The following LRGUK variants were observed in gnomAD, a reference collection of about 807,000 sequenced individuals.
LRGUK encodes the protein leucine rich repeats and guanylate kinase domain containing.
In LRGUK, 65 loss-of-function variants were observed where a neutral mutation model predicts 76.0. The ratio of observed to expected loss-of-function variants is 0.85; its 90% CI spans 0.70 to 1.05. The LOEUF is 1.05. Ranked by LOEUF, LRGUK falls within the 50% of genes least tolerant of loss-of-function variation. The probability of loss-of-function intolerance (pLI) is 0.00; values close to 1 mark genes in which losing one functional copy is unlikely to be tolerated. For synonymous variants in LRGUK, 268 were observed against 265.6 expected (o/e 1.01, Z -0.09); for missense variants, 758 against 732.8 (o/e 1.03, Z -0.40).
intron 7 of LRGUK, among the ~76,000 whole-genome samples, chr7:134,169,554 A>T (rs1799158906): frequency 6.6e-6 from 1 of 152,154 alleles, no homozygotes; most frequent in African/African-American, 2.4e-5. Flanking sequence ...TTTATTGAAG[A>T]AATTTCTCTA....
intron 19 of LRGUK, among the ~76,000 whole-genome samples, chr7:134,263,628 T>C (rs1178447192): frequency 2.0e-5 from 3 of 148,214 alleles, no homozygotes; most frequent in African/African-American, 4.9e-5. Flanking sequence ...TCTTTCTTTT[T>C]TTTTTTTTTT....
In LRGUK at chr7:134,263,920, G is replaced by C. The variant is rs138421011; in HGVS notation, c.2423G>C (p.Arg808Pro). 221 of 1,612,302 alleles carry C rather than the reference G, an allele frequency of 1.4e-4. 1 individual carries two copies. In the African/African-American group the frequency reaches 2.5e-3, roughly 18 times the overall value. The change falls in exon 20 of 20, where the codon CGC (arginine) becomes CCC (proline). Residue 808 changes from arginine (R) to proline (P), a missense_variant. By Grantham distance (103) the Arg-to-Pro change is moderately radical. Transcript: ENST00000285928. ...CAACACTCGGTCCCAGTCATCAGTC[G>C]CCCAGGTTCCAACGTCAAACCCACC...
intron 7 of LRGUK, among the ~76,000 whole-genome samples, chr7:134,165,885 G>C (rs1247864542): frequency 1.3e-5 from 2 of 152,132 alleles, no homozygotes; most frequent in African/African-American, 2.4e-5. Flanking sequence ...AAAAAGAGGA[G>C]TATCATCACG....
At chr7:134,199,980 TTTTATATATATATATATA>T (rs1800683947) in intron 14 of LRGUK, among the ~76,000 whole-genome samples, 1 of 69,562 alleles carries the variant, frequency 1.4e-5, no homozygotes, top group Non-Finnish European at 2.8e-5. Context: ...TTCTAGAAAC[TTTTATATATATATATATA>T]TATATATATA....
At chr7:134,132,855 A>G (rs1333100537) in intron 1 of LRGUK, among the ~76,000 whole-genome samples, 1 of 152,234 alleles carries the variant, frequency 6.6e-6, no homozygotes, top group Non-Finnish European at 1.5e-5. Flanking sequence ...GAGGGTTAAC[A>G]TCTGAGAGCT....
At position 134,169,133 on chromosome 7, in the gene LRGUK, G is replaced by GACACAC. The variant is rs36204942; in HGVS notation, c.940-5366_940-5361dup. 1.4e-3 allele frequency among the ~76,000 whole-genome samples: 186 copies of GACACAC among 135,572 alleles called. 1 individual carries two copies. Among genetic ancestry groups the GACACAC allele is most frequent in the African/African-American group, 4.9e-3 (176 of 35,828 alleles). The allele number at this position is 135,572 out of a possible 152,430, so 88.9% of individuals were successfully genotyped here. On this transcript the variant is annotated intron_variant, in intron 7 of 15. Transcript: ENST00000645682. The stretch of plus-strand genomic sequence containing the variant: ...CCTGATAAGAGGCTGAAGGGAAGAA[G>GACACAC]ACACACACACACACACACACACACA...
downstream of LRGUK, among the ~76,000 whole-genome samples, chr7:134,211,710 G>T (rs1585563558): frequency 6.6e-6 from 1 of 152,164 alleles, no homozygotes; most frequent in African/African-American, 2.4e-5. Context: ...TCAATTAAAA[G>T]AATTAATGGG....
At chr7:134,269,510 A>C (rs1802922933), downstream of LRGUK, among the ~76,000 whole-genome samples, 1 of 151,518 alleles carries the variant, frequency 6.6e-6, no homozygotes, top group South Asian at 2.1e-4. Context: ...GTGCCAGTAC[A>C]CCTGGCTAAT....
At chr7:134,219,470 A>G (rs1253610308) in intron 15 of LRGUK, among the ~76,000 whole-genome samples, 1 of 152,238 alleles carries the variant, frequency 6.6e-6, no homozygotes, top group Non-Finnish European at 1.5e-5. Flanking sequence ...CGGACACAAA[A>G]ACTATATTTT....
chr7:134,197,264 G>T (rs1800533681), intron 13 of LRGUK, among the ~76,000 whole-genome samples, 159 bp downstream of exon 13: 1 of 152,098 alleles, frequency 6.6e-6, no homozygotes, highest in Non-Finnish European at 1.5e-5. Flanking sequence ...ACATATTTGA[G>T]GTTGGGGAGG....
intron 15 of LRGUK, among the ~76,000 whole-genome samples, chr7:134,215,948 T>A (rs1801426751): frequency 6.6e-6 from 1 of 152,188 alleles, no homozygotes; most frequent in African/African-American, 2.4e-5. Flanking sequence ...GCAGTCATGA[T>A]TTGCAAAAGC....
At chr7:134,224,742 T>C (rs554045864) in intron 16 of LRGUK, among the ~76,000 whole-genome samples, 1 of 152,074 alleles carries the variant, frequency 6.6e-6, no homozygotes, top group South Asian at 2.1e-4. Context: ...TTAGAAAATG[T>C]TGGGGCCTAA....
intron 3 of LRGUK, among the ~76,000 whole-genome samples, chr7:134,140,715 T>A (rs1477557943): frequency 6.6e-6 from 1 of 152,126 alleles, no homozygotes; most frequent in Non-Finnish European, 1.5e-5. Flanking sequence ...CCTAATAAAG[T>A]CCACTTTTTA....
intron 16 of LRGUK, among the ~76,000 whole-genome samples, chr7:134,241,480 G>C (rs1334018933): frequency 1.3e-5 from 2 of 152,186 alleles, no homozygotes; most frequent in Non-Finnish European, 2.9e-5. Flanking sequence ...AATGGTAAAA[G>C]GATCAATTCA....
rs541070561 is a variant in LRGUK at position 134,145,447 on chromosome 7, A to G, written c.588+2285A>G. ...CTTTTAGTAGAGACGGGGTTTCACC[A>G]TGTTGACCAGGCTGGTCTGAAACTC... is the stretch of plus-strand genomic sequence containing the variant. On this transcript the variant is annotated intron_variant, in intron 4 of 15. Transcript: ENST00000645682. Among the ~76,000 whole-genome samples the G allele has an allele frequency of 3.0e-4, 46 of 152,214 alleles. No individual in the cohort carries two copies. In the South Asian group the frequency reaches 8.9e-3, roughly 30 times the overall value.
downstream of LRGUK, chr7:134,210,391 A>AG (rs1801205068): frequency 2.5e-6 from 1 of 397,652 alleles, no homozygotes; most frequent in Admixed American, 4.4e-5. Context: ...ATTAAAAAAA[A>AG]CATAATTCCA....
chr7:134,267,651 C>T (rs1326505245), downstream of LRGUK, among the ~76,000 whole-genome samples: 3 of 152,112 alleles, frequency 2.0e-5, no homozygotes, highest in South Asian at 2.1e-4. Context: ...CCATGTAAGA[C>T]GTGCCTTTAG....
At chr7:134,148,855 T>C (rs1302234055) in intron 5 of LRGUK, among the ~76,000 whole-genome samples, 1 of 151,590 alleles carries the variant, frequency 6.6e-6, no homozygotes, top group Non-Finnish European at 1.5e-5. Flanking sequence ...GTGGAGGTTG[T>C]AGTGAGCCAA....
At chr7:134,220,581 T>TC (rs1398582259) in intron 15 of LRGUK, among the ~76,000 whole-genome samples, 1 of 147,776 alleles carries the variant, frequency 6.8e-6, no homozygotes, top group Non-Finnish European at 1.5e-5. Flanking sequence ...TTCTTCTTCT[T>TC]TTTTTTTTTT....
Sources: gnomAD v4.1 joint callset for allele counts (sites outside exome capture counted in the v4.1 genomes callset) on GRCh38, gnomAD v4.1.1 for gene constraint, MANE v1.5 for transcripts, NCBI Gene and HGNC (gene_info 2026-07-23, HGNC 2026-07-21) for gene names.